SHOX: variants seen among roughly 807,000 people sequenced by gnomAD.
SHOX encodes SHOX homeobox.
SHOX carries 12 observed loss-of-function variants against 29.6 expected under a neutral mutation model. The ratio of observed to expected loss-of-function variants is 0.41; its 90% CI spans 0.26 to 0.66. The LOEUF (loss-of-function observed/expected upper bound fraction) is 0.66, where lower values mean the gene tolerates loss of function less well. Among genes scored for constraint, SHOX ranks in the 30% least tolerant of loss-of-function variants. SHOX has a pLI of 0.35. For synonymous variants in SHOX, 214 were observed against 200.6 expected, an observed-to-expected ratio of 1.07 and a Z score of -0.57; for missense variants, 499 against 437.7, an observed-to-expected ratio of 1.14 and a Z score of -1.25.
chrX:640,614 C>T (rs1469136066), intron 2 of SHOX, among the ~76,000 whole-genome samples: 1 of 151,954 alleles, frequency 6.6e-6, no homozygotes, highest in African/African-American at 2.4e-5. Context: ...ACAAAAAATC[C>T]AAAAAAACCC....
chrX:630,965 G>C lies in SHOX; in HGVS notation c.68G>C (p.Gly23Ala). 1 of 1,613,852 alleles carries C rather than the reference G, an allele frequency of 6.2e-7. No homozygotes were observed. Among genetic ancestry groups the C allele is most frequent in the South Asian group, 1.1e-5 (1 of 91,080 alleles). Residue 23 changes from glycine (G) to alanine (A), a missense_variant, in exon 1 of 5, where the codon GGC becomes GCC. By Grantham distance (60) the Gly-to-Ala change is moderately conservative. Transcript: ENST00000686671. Reference protein sequence around the residue: ...DQKSKDGNGGGGGGGGKKDSI... With the variant: ...DQKSKDGNGGAGGGGGKKDSI... ...AAAAGCAAGGACGGTAACGGCGGAG[G>C]CGGAGGCGGCGGAGGTAAGAAGGAT...
At chrX:652,426 G>A (rs1230497214), downstream of SHOX, among the ~76,000 whole-genome samples, 3 of 142,658 alleles carry the variant, frequency 2.1e-5, no homozygotes, top group Admixed American at 7.5e-5. Flanking sequence ...ACTGCTTCCC[G>A]GCTGTGATAA....
rs941802694 is a variant in SHOX, at chrX:648,437, G to C, written c.*3801G>C. On this transcript the variant is annotated 3_prime_UTR_variant, in exon 5 of 5. Transcript: ENST00000686671. The stretch of plus-strand genomic sequence containing the variant: ...AGACAGGTTTTTGCTGTGTTGGCCC[G>C]GCTGGTCTCAAACTCCTGACCTCAG... 2.0e-5 allele frequency among the ~76,000 whole-genome samples: 3 copies of C among 152,132 alleles called. No individual in the cohort carries two copies. Among genetic ancestry groups the C allele is most frequent in the Admixed American group, 6.6e-5 (1 of 15,264 alleles).
upstream of SHOX, chrX:630,452 G>C (rs1308270840): frequency 4.2e-6 from 1 of 235,804 alleles, no homozygotes; most frequent in Non-Finnish European, 8.3e-6. Context: ...TTGTCTCTCT[G>C]TCTCTCTCTG....
intron 2 of SHOX, 84 bp downstream of exon 2, chrX:634,910 C>T: frequency 1.2e-5 from 17 of 1,404,346 alleles, no homozygotes; most frequent in East Asian, 2.5e-5. Context: ...GCCACCTGCG[C>T]CCGGGCCGCC....
chrX:626,309 C>T (rs1250211943), upstream of SHOX, among the ~76,000 whole-genome samples: 1 of 143,494 alleles, frequency 7.0e-6, no homozygotes, highest in Non-Finnish European at 1.5e-5. Flanking sequence ...GTCTCTCTCT[C>T]TCCTCTCTTT....
At chrX:652,754 G>A (rs1365767518), downstream of SHOX, among the ~76,000 whole-genome samples, 2 of 152,108 alleles carry the variant, frequency 1.3e-5, no homozygotes, top group Admixed American at 6.6e-5. Flanking sequence ...TCTGGCCTGC[G>A]TGGTCTGAAG....
downstream of SHOX, among the ~76,000 whole-genome samples, chrX:654,305 T>G (rs1357624050): frequency 6.6e-6 from 1 of 151,920 alleles, no homozygotes; most frequent in Non-Finnish European, 1.5e-5. Flanking sequence ...GTAACAAACC[T>G]GCACATTGTG....
intron 4 of SHOX, among the ~76,000 whole-genome samples, 180 bp downstream of exon 4, chrX:641,267 T>C (rs1286105301): frequency 2.6e-5 from 4 of 152,110 alleles, no homozygotes; most frequent in Admixed American, 1.3e-4. Context: ...TTGGCACCTA[T>C]GAAATCAGGC....
chrX:634,913 G>C (rs1358888138), intron 2 of SHOX, 87 bp downstream of exon 2: 1 of 1,396,262 alleles, frequency 7.2e-7, no homozygotes, highest in Non-Finnish European at 9.6e-7. Flanking sequence ...ACCTGCGCCC[G>C]GGCCGCCGCC....
intron 1 of SHOX, among the ~76,000 whole-genome samples, chrX:625,589 T>TG (rs2052511215): frequency 6.6e-6 from 1 of 151,500 alleles, no homozygotes; most frequent in Admixed American, 6.6e-5. Flanking sequence ...TCTGTCTCTC[T>TG]TTCTCTCTCT....
rs1053731253 is a variant in SHOX, at chrX:648,870, G to A, written c.*4234G>A. 8.7e-5 allele frequency among the ~76,000 whole-genome samples: 12 copies of A among 137,676 alleles called. No homozygotes were observed. Among genetic ancestry groups the A allele is most frequent in the Non-Finnish European group, 1.7e-4 (11 of 62,874 alleles). The allele number at this position is 137,676 out of a possible 152,430, so 90.3% of individuals were successfully genotyped here. On this transcript the variant is annotated 3_prime_UTR_variant, in exon 5 of 5. Transcript: ENST00000686671. ...GCTGTGACCAGTTCTCACCACCAAC[G>A]CCCTCTTCTCTCTCCCTTCTCCTTC...
At chrX:641,951 T>C (rs2052860667) in intron 4 of SHOX, among the ~76,000 whole-genome samples, 1 of 152,082 alleles carries the variant, frequency 6.6e-6, no homozygotes, top group South Asian at 2.1e-4. Context: ...GGCCCCTGGC[T>C]TGGGCTCTGC....
chrX:628,252 TCC>T, upstream of SHOX, among the ~76,000 whole-genome samples: 1 of 120,066 alleles, frequency 8.3e-6, no homozygotes, highest in Admixed American at 8.3e-5. Context: ...TCCCAGTCTC[TCC>T]CTTTCTCTCT....
At chrX:626,438 TCTC>T (rs770056684), upstream of SHOX, among the ~76,000 whole-genome samples, 9,819 of 85,786 alleles carry the variant, frequency 0.11, 1,147 homozygotes, top group Non-Finnish European at 0.16. Context: ...CGTTCCTCTC[TCTC>T]TTTTTCTCTT....
At chrX:638,698 T>C (rs1466830467) in intron 2 of SHOX, among the ~76,000 whole-genome samples, 4 of 152,126 alleles carry the variant, frequency 2.6e-5, no homozygotes, top group Admixed American at 1.3e-4. Context: ...TGTAGACTCC[T>C]GGCTGCTCCC....
rs1569495986 is a variant in SHOX, at chrX:650,807, A to AAAAAAC, written c.*6176_*6177insCAAAAA. On this transcript the variant is annotated 3_prime_UTR_variant, in exon 5 of 5. Transcript: ENST00000686671. The stretch of plus-strand genomic sequence containing the variant: ...CGTTTGACATTAAAAAAAAAAAAAA[A>AAAAAAC]AAAAAAAAAAAACTGGTGCCTAATT... Among the ~76,000 whole-genome samples the AAAAAAC allele has an allele frequency of 1.7e-5, 2 of 121,132 alleles. No individual in the cohort carries two copies. The highest frequency in any genetic ancestry group is 3.2e-4 in the South Asian group (1 of 3,090). The allele number at this position is 121,132 out of a possible 152,430, so 79.5% of individuals were successfully genotyped here.
At chrX:638,521 G>T (rs1223205291) in intron 2 of SHOX, among the ~76,000 whole-genome samples, 1 of 152,154 alleles carries the variant, frequency 6.6e-6, no homozygotes, top group South Asian at 2.1e-4. Context: ...CCAGGCAGGG[G>T]CCTTTTTGGC....
rs768540071 is a variant in SHOX, at chrX:630,805, T to G, written c.-93T>G. The G allele has an allele frequency of 2.6e-4, 387 of 1,469,768 alleles. 1 individual carries two copies. The highest frequency in any genetic ancestry group is 4.9e-5 in the Non-Finnish European group (52 of 1,055,142). The allele number at this position is 1,469,768 out of a possible 1,614,324, so 91.0% of individuals were successfully genotyped here. On this transcript the variant is annotated 5_prime_UTR_variant, in exon 1 of 5. Transcript: ENST00000686671. ...AATGGAAAGGCGTAAATAACAGCGCTGGTGATCCACCCGCGCGCACGGGCC... is the reference window on the plus strand; with the variant it reads ...AATGGAAAGGCGTAAATAACAGCGCGGGTGATCCACCCGCGCGCACGGGCC...
Sources: gnomAD v4.1 joint callset for allele counts (sites outside exome capture counted in the v4.1 genomes callset) on GRCh38, gnomAD v4.1.1 for gene constraint, MANE v1.5 for transcripts, NCBI Gene and HGNC (gene_info 2026-07-23, HGNC 2026-07-21) for gene names.